PPP2R5E: variants seen among roughly 807,000 people sequenced by gnomAD.
PPP2R5E encodes serine/threonine-protein phosphatase 2A 56 kDa regulatory subunit epsilon isoform.
A neutral mutation model predicts 65.3 loss-of-function variants in PPP2R5E; 4 were observed. The ratio of observed to expected loss-of-function variants is 0.06; its 90% CI spans 0.03 to 0.14. PPP2R5E has a LOEUF of 0.14. PPP2R5E is among the 10% of genes least tolerant of loss of function. PPP2R5E has a pLI of 1.00. For synonymous variants in PPP2R5E, 183 were observed against 187.4 expected (o/e 0.98, Z 0.19); for missense variants, 274 against 556.1 (o/e 0.49, Z 5.10).
chr14:63,537,467 CA>C (rs1893713010), intron 2 of PPP2R5E, among the ~76,000 whole-genome samples: 1 of 152,086 alleles, frequency 6.6e-6, no homozygotes, highest in South Asian at 2.1e-4. Flanking sequence ...TTTTCTCCCC[CA>C]AAGCTCACAG....
At chr14:63,427,308 A>T (rs1324777003) in intron 3 of PPP2R5E, among the ~76,000 whole-genome samples, 4 of 152,198 alleles carry the variant, frequency 2.6e-5, no homozygotes, top group African/African-American at 4.8e-5. Flanking sequence ...TCAAAAGTGG[A>T]CTATCAAAAA....
intron 2 of PPP2R5E, among the ~76,000 whole-genome samples, chr14:63,469,460 A>G (rs1444006830): frequency 6.6e-6 from 1 of 152,210 alleles, no homozygotes; most frequent in Non-Finnish European, 1.5e-5. Flanking sequence ...TGGGAGGCCG[A>G]GGCGGGCTGA....
intron 3 of PPP2R5E, among the ~76,000 whole-genome samples, chr14:63,426,263 C>G (rs1055277441): frequency 6.6e-6 from 1 of 152,090 alleles, no homozygotes; most frequent in East Asian, 1.9e-4. Context: ...TAATCCAAGA[C>G]AAGAGTGAAA....
intron 2 of PPP2R5E, among the ~76,000 whole-genome samples, chr14:63,489,838 G>A (rs1369290229): frequency 6.6e-6 from 1 of 151,970 alleles, no homozygotes; most frequent in Non-Finnish European, 1.5e-5. Context: ...GCCTTTCTCA[G>A]CTACATTATC....
chr14:63,469,287 G>A (rs1315879656), intron 2 of PPP2R5E, among the ~76,000 whole-genome samples: 3 of 152,088 alleles, frequency 2.0e-5, no homozygotes, highest in African/African-American at 7.2e-5. Context: ...AAAGGTACAA[G>A]AAGATATTAT....
At chr14:63,465,444 C>T (rs55859128) in intron 2 of PPP2R5E, among the ~76,000 whole-genome samples, 44,670 of 138,210 alleles carry the variant, frequency 0.32, 9,737 homozygotes, top group African/African-American at 0.63. Flanking sequence ...TAAAACTCCA[C>T]CTCTACAAAA....
At position 63,422,077 on chromosome 14, in the gene PPP2R5E, G is replaced by A. The variant is rs1411077279; in HGVS notation, c.372C>T (p.Phe124=). The A allele has an allele frequency of 6.2e-7, 1 of 1,612,750 alleles. No individual in the cohort carries two copies. Among genetic ancestry groups the A allele is most frequent in the Non-Finnish European group, 8.5e-7 (1 of 1,178,796 alleles). Residue 124 remains phenylalanine, a synonymous_variant, in exon 4 of 14, where the codon TTC becomes TTT. Coordinates refer to ENST00000337537, the MANE Select transcript of PPP2R5E (RefSeq NM_006246.5). ...EVVRMVSCNI[F]RTLPPSDSNE... is the part of the protein sequence containing the mutation. Reference sequence around the variant, plus strand: ...TGCTGTCACTAGGAGGGAGAGTTCTGAATATATTGCAAGATACCTAAAAAT... The same window carrying A: ...TGCTGTCACTAGGAGGGAGAGTTCTAAATATATTGCAAGATACCTAAAAAT...
chr14:63,499,713 T>A (rs183720322), intron 2 of PPP2R5E, among the ~76,000 whole-genome samples: 33 of 150,286 alleles, frequency 2.2e-4, no homozygotes, highest in South Asian at 4.2e-4. Context: ...GAAGAGAGAC[T>A]GGGATTCTAT....
chr14:63,377,889 CAG>C (rs1478863237), intron 13 of PPP2R5E, among the ~76,000 whole-genome samples: 1 of 152,126 alleles, frequency 6.6e-6, no homozygotes, highest in Admixed American at 6.5e-5. Flanking sequence ...TTCTTAGAGT[CAG>C]GGTCTCATTC....
intron 2 of PPP2R5E, among the ~76,000 whole-genome samples, chr14:63,477,185 TATA>T (rs1187609688): frequency 6.6e-6 from 1 of 152,142 alleles, no homozygotes; most frequent in Non-Finnish European, 1.5e-5. Flanking sequence ...TAAGACAGCA[TATA>T]ATACTACTAC....
At chr14:63,376,404 G>C (rs1187710099) in intron 13 of PPP2R5E, among the ~76,000 whole-genome samples, 1 of 152,088 alleles carries the variant, frequency 6.6e-6, no homozygotes, top group Non-Finnish European at 1.5e-5. Context: ...AATATAGTAG[G>C]TCAAGAAAAT....
chr14:63,391,734 G>A, intron 10 of PPP2R5E, 83 bp downstream of exon 10: 1 of 1,470,132 alleles, frequency 6.8e-7, no homozygotes, highest in Non-Finnish European at 9.5e-7. Flanking sequence ...TGATGATGCG[G>A]TTTTATACAT....
intron 3 of PPP2R5E, among the ~76,000 whole-genome samples, chr14:63,423,413 T>C (rs537775918): frequency 6.6e-6 from 1 of 152,190 alleles, no homozygotes; most frequent in Non-Finnish European, 1.5e-5. Flanking sequence ...AAGATTTCTA[T>C]AGTAAAATGT....
At chr14:63,414,858 A>C (rs1886612112) in intron 5 of PPP2R5E, among the ~76,000 whole-genome samples, 1 of 152,200 alleles carries the variant, frequency 6.6e-6, no homozygotes, top group South Asian at 2.1e-4. Context: ...AGGTTATATA[A>C]ATGAAATTCC....
chr14:63,412,503 T>C (rs544598069), intron 5 of PPP2R5E, among the ~76,000 whole-genome samples: 2 of 152,306 alleles, frequency 1.3e-5, no homozygotes, highest in East Asian at 1.9e-4. Context: ...ATAGATGTCA[T>C]ATTAGAGGAC....
At chr14:63,491,439 A>C (rs1891280979) in intron 2 of PPP2R5E, among the ~76,000 whole-genome samples, 1 of 152,170 alleles carries the variant, frequency 6.6e-6, no homozygotes, top group Non-Finnish European at 1.5e-5. Flanking sequence ...AATACACATG[A>C]GACTTCAAAG....
At chr14:63,453,614 C>T (rs1248077211) in intron 3 of PPP2R5E, 75 bp downstream of exon 3, 2 of 1,453,448 alleles carry the variant, frequency 1.4e-6, no homozygotes, top group Admixed American at 2.0e-5. Context: ...AATGACCTCA[C>T]TCTTGCAATA....
chr14:63,461,212 T>C (rs1021066581), intron 2 of PPP2R5E, among the ~76,000 whole-genome samples: 2 of 152,184 alleles, frequency 1.3e-5, no homozygotes, highest in Admixed American at 6.5e-5. Context: ...CCGAGGCCTT[T>C]TGAATATGAG....
At chr14:63,396,563 T>C (rs755503810) in intron 6 of PPP2R5E, 23 bp downstream of exon 6, 1 of 1,608,618 alleles carries the variant, frequency 6.2e-7, no homozygotes, top group Non-Finnish European at 8.5e-7. Flanking sequence ...CTTCTCCTTC[T>C]TCCCCCATCA....
Sources: gnomAD v4.1 joint callset for allele counts (sites outside exome capture counted in the v4.1 genomes callset) on GRCh38, gnomAD v4.1.1 for gene constraint, MANE v1.5 for transcripts, NCBI Gene and HGNC (gene_info 2026-07-23, HGNC 2026-07-21) for gene names.